The following PGPEP1L variants were observed in gnomAD, a reference collection of about 807,000 sequenced individuals.
PGPEP1L encodes pyroglutamyl-peptidase 1-like protein.
Under a neutral mutation model 6.0 loss-of-function variants are expected in PGPEP1L, and 7 were observed. That is an observed-to-expected ratio of 1.17 (90% confidence interval 0.66 to 2.19). PGPEP1L has a LOEUF of 2.19. PGPEP1L is among the 30% of genes most tolerant of loss of function. The pLI, the probability that PGPEP1L is intolerant of heterozygous loss-of-function variation, is 0.00. For missense variants in PGPEP1L, 209 were observed against 192.5 expected (o/e 1.09, Z -0.51); for synonymous variants, 103 against 83.9 (o/e 1.23, Z -1.24).
intron 2 of PGPEP1L, among the ~76,000 whole-genome samples, chr15:98,993,906 C>T (rs192737698): frequency 1.3e-5 from 2 of 152,124 alleles, no homozygotes; most frequent in African/African-American, 4.8e-5. Flanking sequence ...TTTTGCCATA[C>T]ATATATAATT....
intron 2 of PGPEP1L, among the ~76,000 whole-genome samples, chr15:98,999,452 G>A (rs1301186640): frequency 6.6e-6 from 1 of 152,222 alleles, no homozygotes; most frequent in African/African-American, 2.4e-5. Context: ...CAAGGATGAG[G>A]AGAAACTAGG....
At chr15:98,977,553 T>G (rs1421778890) in intron 2 of PGPEP1L, among the ~76,000 whole-genome samples, 1 of 152,252 alleles carries the variant, frequency 6.6e-6, no homozygotes, top group Non-Finnish European at 1.5e-5. Flanking sequence ...ACACTTTATG[T>G]GACCTGAATC....
chr15:99,006,257 G>A (rs78779994), intron 1 of PGPEP1L, among the ~76,000 whole-genome samples: 9,917 of 152,238 alleles, frequency 0.065, 654 homozygotes, highest in East Asian at 0.34. Context: ...CTGAGGAACA[G>A]AGGCTTGCCA....
Position 98,969,448 on chromosome 15 carries a change from C to T in PGPEP1L, c.186G>A (p.Val62=). ...ACCTGCCTGCATCTCGGGAAAAGATCACGTCGACACCCTCCACAGCTACGC... is the reference window on the plus strand; with the variant it reads ...ACCTGCCTGCATCTCGGGAAAAGATTACGTCGACACCCTCCACAGCTACGC... The part of the protein sequence containing the change: ...CKRVAVEGVD[V]IFSRDAGRYV... Residue 62 remains valine (V), a synonymous_variant, in exon 4 of 5, where the codon GTG becomes GTA. Coordinates refer to ENST00000535714, the MANE Select transcript of PGPEP1L (RefSeq NM_001167902.2). 1 of 1,614,020 alleles carries T rather than the reference C, an allele frequency of 6.2e-7. No individual in the cohort carries two copies. Among genetic ancestry groups the T allele is most frequent in the Non-Finnish European group, 8.5e-7 (1 of 1,179,910 alleles).
intron 2 of PGPEP1L, among the ~76,000 whole-genome samples, chr15:98,989,261 T>C (rs1215119599): frequency 2.0e-5 from 3 of 152,156 alleles, no homozygotes; most frequent in Non-Finnish European, 2.9e-5. Flanking sequence ...AATTGCTAAC[T>C]AGAATAACCA....
intron 3 of PGPEP1L, 117 bp from the exon 4 acceptor site, chr15:98,969,768 C>A: frequency 9.7e-7 from 1 of 1,033,186 alleles, no homozygotes; most frequent in Non-Finnish European, 1.4e-6. Context: ...ACATCTCAAA[C>A]CCCAAATCCA....
chr15:99,001,269 T>G (rs891445241), intron 2 of PGPEP1L: 1 of 270,052 alleles, frequency 3.7e-6, no homozygotes, highest in South Asian at 3.1e-5. Context: ...TGGCTCAACC[T>G]TGAAAACATG....
At chr15:99,000,845 A>C (rs921234930) in intron 2 of PGPEP1L, among the ~76,000 whole-genome samples, 18 of 152,070 alleles carry the variant, frequency 1.2e-4, no homozygotes, top group Non-Finnish European at 2.2e-4. Context: ...GTGGCAACCC[A>C]CTCGGGTCCC....
rs1436881917 is a variant in PGPEP1L, at chr15:98,968,262, A to G, written c.*216T>C. The G allele has an allele frequency of 2.1e-5, 12 of 581,854 alleles. No individual in the cohort carries two copies. Among genetic ancestry groups the G allele is most frequent in the South Asian group, 8.2e-5 (4 of 48,726 alleles). The allele number at this position is 581,854 out of a possible 1,614,324, so 36.0% of individuals were successfully genotyped here. On this transcript the variant is annotated 3_prime_UTR_variant, in exon 5 of 5. Coordinates refer to ENST00000535714, the MANE Select transcript of PGPEP1L (RefSeq NM_001167902.2). ...ATTTCATTTTATTGTCATGAAAACC[A>G]TAACTGAAGCTAGTTCATCCCCTGT...
chr15:98,971,194 TGGGGGGGG>T (rs57036063), intron 2 of PGPEP1L, 36 bp from the exon 3 acceptor site: 8,594 of 584,014 alleles, frequency 0.015, 1,398 homozygotes, highest in Middle Eastern at 0.024. Context: ...CCTCAGTTGA[TGGGGGGGG>T]GGGGGGGGTG....
At chr15:98,993,187 A>ATGTTCTCC in intron 2 of PGPEP1L, among the ~76,000 whole-genome samples, 1 of 152,346 alleles carries the variant, frequency 6.6e-6, no homozygotes, top group East Asian at 1.9e-4. Context: ...GAATGGGAGA[A>ATGTTCTCC]CATTTTTGCA....
intron 2 of PGPEP1L, among the ~76,000 whole-genome samples, chr15:99,000,251 G>C (rs942961637): frequency 1.5e-4 from 23 of 152,362 alleles, no homozygotes; most frequent in African/African-American, 5.3e-4. Context: ...TGCCGGGCAG[G>C]GCTCAGGACC....
At chr15:98,983,225 C>T (rs540856042) in intron 2 of PGPEP1L, among the ~76,000 whole-genome samples, 1 of 151,362 alleles carries the variant, frequency 6.6e-6, no homozygotes, top group East Asian at 1.9e-4. Context: ...CAGTTACTTT[C>T]CTATCCCTGA....
intron 2 of PGPEP1L, among the ~76,000 whole-genome samples, chr15:98,987,487 G>A (rs1338185224): frequency 1.3e-5 from 2 of 152,134 alleles, no homozygotes; most frequent in African/African-American, 2.4e-5. Flanking sequence ...CAGGGGTGGT[G>A]GTGGGGTTGT....
At chr15:98,983,163 A>AG (rs2017692986) in intron 2 of PGPEP1L, among the ~76,000 whole-genome samples, 1 of 83,782 alleles carries the variant, frequency 1.2e-5, no homozygotes, top group Non-Finnish European at 3.9e-5. Context: ...CTTGGGAAAA[A>AG]AAAAAAAAGA....
At position 99,005,521 on chromosome 15, in the gene PGPEP1L, G is replaced by A. The variant is rs537621695; in HGVS notation, c.-234C>T. On this transcript the variant is annotated 5_prime_UTR_variant, in exon 2 of 5. Coordinates refer to ENST00000535714, the MANE Select transcript of PGPEP1L (RefSeq NM_001167902.2). ...TGGCTCAGGCAGCGGCCCAGCGGCC[G>A]GGCTCTGCGCGCTCTGAGCTCCGGG... 6.6e-6 allele frequency: 1 copy of A among 152,452 alleles called. No homozygotes were observed. The highest frequency in any genetic ancestry group is 2.1e-4 in the South Asian group (1 of 4,834). The allele number at this position is 152,452 out of a possible 1,614,324, so 9.4% of individuals were successfully genotyped here.
At chr15:98,996,382 C>A (rs543900773) in intron 2 of PGPEP1L, among the ~76,000 whole-genome samples, 1 of 152,198 alleles carries the variant, frequency 6.6e-6, no homozygotes, top group African/African-American at 2.4e-5. Flanking sequence ...ATCTCCACCC[C>A]CCTTGCTGCT....
At position 98,971,939 on chromosome 15, in the gene PGPEP1L, C is replaced by G. The variant is rs571316487; in HGVS notation, c.-141-781G>C. 9.2e-5 allele frequency among the ~76,000 whole-genome samples: 14 copies of G among 152,306 alleles called. No individual in the cohort carries two copies. The East Asian group carries it at 2.7e-3, about 29-fold the overall frequency. ...GTTAAATTGTAGTTTGTTTTTGATA[C>G]TTTTCTTTGCAATCCATGTTCAGTT... On this transcript the variant is annotated intron_variant, in intron 2 of 4. Coordinates refer to ENST00000535714, the MANE Select transcript of PGPEP1L (RefSeq NM_001167902.2).
At chr15:98,999,787 G>A (rs1374607254) in intron 2 of PGPEP1L, among the ~76,000 whole-genome samples, 2 of 152,226 alleles carry the variant, frequency 1.3e-5, no homozygotes, top group Admixed American at 1.3e-4. Context: ...ACTGATGAAT[G>A]GCAAACAAAA....
Sources: allele counts gnomAD v4.1 joint callset (sites outside exome capture counted in the v4.1 genomes callset), GRCh38; gene constraint gnomAD v4.1.1; transcripts MANE v1.5; gene names NCBI Gene and HGNC (gene_info 2026-07-23, HGNC 2026-07-21).